Variants in ACBD6 observed in about 807,000 individuals in gnomAD.
The protein encoded by ACBD6 is acyl-CoA-binding domain-containing protein 6.
A neutral mutation model predicts 37.2 loss-of-function variants in ACBD6; 28 were observed. That is an observed-to-expected ratio of 0.75 (90% CI 0.56 to 1.03). The LOEUF is 1.03. ACBD6 is among the 50% of genes least tolerant of loss of function. The probability of loss-of-function intolerance (pLI) is 0.00; values close to 1 mark genes in which losing one functional copy is unlikely to be tolerated. For synonymous variants in ACBD6, 113 were observed against 126.8 expected, an observed-to-expected ratio of 0.89 and a Z score of 0.73; for missense variants, 340 against 337.4, an observed-to-expected ratio of 1.01 and a Z score of -0.06.
chr1:180,270,834 C>T (rs940490862), exon 14 of ACBD6: 12 of 187,192 alleles, frequency 6.4e-5, no homozygotes, highest in African/African-American at 2.3e-4. Flanking sequence ...TGGGTTCTGA[C>T]CTATAGTTTA....
chr1:180,419,478 T>C (rs2101981915), intron 4 of ACBD6, among the ~76,000 whole-genome samples: 1 of 152,242 alleles, frequency 6.6e-6, no homozygotes, highest in East Asian at 1.9e-4. Flanking sequence ...AGGTTCAAAA[T>C]ACACAGTACC....
chr1:180,347,952 C>CAA lies in ACBD6; in HGVS notation c.664-33232_664-33231dup, dbSNP rs34993599. Among the ~76,000 whole-genome samples the CAA allele has an allele frequency of 1.1e-3, 145 of 135,610 alleles. 1 individual carries two copies. The highest frequency in any genetic ancestry group is 3.7e-3 in the African/African-American group (138 of 37,462). The allele number at this position is 135,610 out of a possible 152,430, so 89.0% of individuals were successfully genotyped here. A position where few individuals can be genotyped will look rare whatever the true frequency, so the allele number is the denominator to read the frequency against. On this transcript the variant is annotated intron_variant, in intron 6 of 7. Coordinates refer to ENST00000367595, the MANE Select transcript of ACBD6 (RefSeq NM_032360.4). ...TGGGTGACACAGCGAGACCCCGTCT[C>CAA]AAAAAAAAAAAAGAGATTCTAAGCA...
At chr1:180,318,435 C>G (rs1650920744) in intron 6 of ACBD6, among the ~76,000 whole-genome samples, 1 of 151,888 alleles carries the variant, frequency 6.6e-6, no homozygotes, top group African/African-American at 2.4e-5. Context: ...CTTATTGATT[C>G]CTATATGCTT....
Position 180,502,576 on chromosome 1 carries a change from G to C in ACBD6, c.-310C>G, listed in dbSNP as rs1027427595. 2 of 413,062 alleles carry C rather than the reference G, an allele frequency of 4.8e-6. No homozygotes were observed. The highest frequency in any genetic ancestry group is 2.0e-5 in the African/African-American group (1 of 49,082). 25.6% of individuals were successfully genotyped at this position (413,062 alleles called of 1,614,324 possible). A position where few individuals can be genotyped will look rare whatever the true frequency, so the allele number is the denominator to read the frequency against. On this transcript the variant is annotated 5_prime_UTR_variant, in exon 1 of 8. Transcript: ENST00000367595. ...CCAACGGAACAGGAGTCGAGGGGCA[G>C]TGAGGCCGGGATGCGTGCGAGCGCG...
At chr1:180,437,918 A>G (rs545261733) in intron 3 of ACBD6, among the ~76,000 whole-genome samples, 5 of 152,308 alleles carry the variant, frequency 3.3e-5, no homozygotes, top group African/African-American at 1.2e-4. Context: ...CAAAGGCCCT[A>G]TGATGAGGGT....
intron 6 of ACBD6, among the ~76,000 whole-genome samples, chr1:180,343,269 AAG>A (rs200386667): frequency 0.045 from 6,728 of 148,070 alleles, 224 homozygotes; most frequent in South Asian, 0.097. Context: ...CTTATAAAAA[AAG>A]AGTTTATTCC....
chr1:180,438,470 T>C (rs1199024113), intron 3 of ACBD6: 1 of 152,820 alleles, frequency 6.5e-6, no homozygotes, highest in African/African-American at 2.4e-5. Context: ...TAAAGTGAAA[T>C]AGACAATTGG....
chr1:180,338,016 G>A (rs1651814944), intron 6 of ACBD6, among the ~76,000 whole-genome samples: 1 of 152,128 alleles, frequency 6.6e-6, no homozygotes, highest in Non-Finnish European at 1.5e-5. Context: ...CAAACAAATG[G>A]AAGAACAAGA....
intron 6 of ACBD6, among the ~76,000 whole-genome samples, chr1:180,322,351 T>A (rs1651106440): frequency 6.6e-6 from 1 of 152,126 alleles, no homozygotes; most frequent in Non-Finnish European, 1.5e-5. Flanking sequence ...GGTTTTGGTA[T>A]CATGATAATA....
At chr1:180,449,268 A>G (rs1649600225) in intron 3 of ACBD6, among the ~76,000 whole-genome samples, 1 of 152,128 alleles carries the variant, frequency 6.6e-6, no homozygotes, top group African/African-American at 2.4e-5. Flanking sequence ...GTGAATCCCA[A>G]CTTCTAAAGC....
At chr1:180,334,378 C>T (rs1558254191) in intron 6 of ACBD6, among the ~76,000 whole-genome samples, 1 of 152,194 alleles carries the variant, frequency 6.6e-6, no homozygotes, top group Non-Finnish European at 1.5e-5. Context: ...GTTCTGCAGC[C>T]GCCGCTGCTG....
intron 6 of ACBD6, among the ~76,000 whole-genome samples, chr1:180,326,064 A>G (rs534075479): frequency 4.3e-4 from 66 of 152,260 alleles, no homozygotes; most frequent in South Asian, 1.5e-3. Context: ...GGGCTCTACA[A>G]TTAGCAGGTG....
chr1:180,344,756 C>A (rs1275390268), intron 6 of ACBD6, among the ~76,000 whole-genome samples: 1 of 152,172 alleles, frequency 6.6e-6, no homozygotes, highest in Non-Finnish European at 1.5e-5. Flanking sequence ...CCTAAGGTCC[C>A]AGGCCCTTCT....
intron 7 of ACBD6, among the ~76,000 whole-genome samples, chr1:180,309,733 T>C (rs1044297322): frequency 1.3e-5 from 2 of 152,244 alleles, no homozygotes; most frequent in Non-Finnish European, 2.9e-5. Flanking sequence ...TTGAATTTTG[T>C]GCTGAAGGCC....
At chr1:180,479,766 T>A (rs1054131652) in intron 3 of ACBD6, among the ~76,000 whole-genome samples, 1 of 151,886 alleles carries the variant, frequency 6.6e-6, no homozygotes, top group Non-Finnish European at 1.5e-5. Flanking sequence ...GGCGGGTGGA[T>A]TGCTTGAGTC....
At chr1:180,282,992 T>C (rs1278265893) in intron 8 of ACBD6, among the ~76,000 whole-genome samples, 1 of 135,582 alleles carries the variant, frequency 7.4e-6, no homozygotes, top group Non-Finnish European at 1.6e-5. Flanking sequence ...TTTTTTTTTT[T>C]TGGAAGGGTT....
intron 6 of ACBD6, among the ~76,000 whole-genome samples, chr1:180,370,805 C>T (rs1653234292): frequency 6.6e-6 from 1 of 151,866 alleles, no homozygotes; most frequent in Non-Finnish European, 1.5e-5. Context: ...TTCCAAATGA[C>T]CCATTAAAAA....
At chr1:180,498,762 G>T (rs550755944) in intron 1 of ACBD6, among the ~76,000 whole-genome samples, 132 of 152,046 alleles carry the variant, frequency 8.7e-4, no homozygotes, top group African/African-American at 3.1e-3. Context: ...GGAAGCTGAG[G>T]CAAGAGAATA....
intron 4 of ACBD6, among the ~76,000 whole-genome samples, chr1:180,415,268 G>C (rs766412422): frequency 1.3e-5 from 2 of 150,648 alleles, no homozygotes; most frequent in African/African-American, 4.9e-5. Flanking sequence ...GTGGTGACAC[G>C]TGCATGTAAT....
Sources: allele counts gnomAD v4.1 joint callset (sites outside exome capture counted in the v4.1 genomes callset), GRCh38; gene constraint gnomAD v4.1.1; transcripts MANE v1.5; gene names NCBI Gene and HGNC (gene_info 2026-07-23, HGNC 2026-07-21).